Variants in ERBB4 observed in about 807,000 individuals in gnomAD.
ERBB4 encodes receptor tyrosine-protein kinase erbB-4.
A neutral mutation model predicts 158.0 loss-of-function variants in ERBB4; 42 were observed. The ratio of observed to expected loss-of-function variants is 0.27; its 90% confidence interval spans 0.21 to 0.34. ERBB4 has a LOEUF of 0.34. ERBB4 is among the 10% of genes least tolerant of loss of function. The pLI is 1.00. For missense variants in ERBB4, 1,333 were observed against 1,624.1 expected (o/e 0.82, Z 3.08); for synonymous variants, 583 against 558.7 (o/e 1.04, Z -0.61).
chr2:211,623,908 T>A lies in ERBB4; in HGVS notation c.2202+14A>T, dbSNP rs761369669. 6.2e-7 allele frequency: 1 copy of A among 1,613,752 alleles called. No individual in the cohort carries two copies. The highest frequency in any genetic ancestry group is 8.5e-7 in the Non-Finnish European group (1 of 1,179,758). On this transcript the variant is annotated intron_variant, in intron 18 of 27. Transcript: ENST00000342788. ...ACAAAACTTAACTAACGATATGCGTTGTTTTTTACTTACTTTATAAACCGT... is the reference window on the plus strand; with the variant it reads ...ACAAAACTTAACTAACGATATGCGTAGTTTTTTACTTACTTTATAAACCGT...
chr2:211,913,437 C>G (rs2125060182), intron 3 of ERBB4, among the ~76,000 whole-genome samples: 1 of 151,962 alleles, frequency 6.6e-6, no homozygotes, highest in South Asian at 2.1e-4. Context: ...CTCGTCTCGA[C>G]TAAAACTACA....
At chr2:212,331,879 G>C (rs1193244017) in intron 1 of ERBB4, among the ~76,000 whole-genome samples, 3 of 151,912 alleles carry the variant, frequency 2.0e-5, no homozygotes, top group Non-Finnish European at 4.4e-5. Context: ...CAAAGTACAG[G>C]CTGTAATTCA....
At chr2:212,115,717 C>T (rs534287275) in intron 2 of ERBB4, among the ~76,000 whole-genome samples, 3 of 152,170 alleles carry the variant, frequency 2.0e-5, no homozygotes, top group African/African-American at 7.2e-5. Flanking sequence ...CCATGTTCCT[C>T]GGGCTAGTCT....
Position 212,375,372 on chromosome 2 carries a change from T to C in ERBB4, c.82+163077A>G, listed in dbSNP as rs910511446. Among the ~76,000 whole-genome samples the C allele has an allele frequency of 3.3e-5, 5 of 152,140 alleles. 1 individual carries two copies. In the South Asian group the frequency reaches 1.0e-3, roughly 31 times the overall value. On this transcript the variant is annotated intron_variant, in intron 1 of 27. Coordinates refer to ENST00000342788, the MANE Select transcript of ERBB4 (RefSeq NM_005235.3). ...CTAAATCAATGTGAAATTCATCTAATGAAGAACAGTTACTTGATACCTAAT... is the reference window on the plus strand; with the variant it reads ...CTAAATCAATGTGAAATTCATCTAACGAAGAACAGTTACTTGATACCTAAT...
chr2:211,944,177 C>CATATATATATATATAG (rs2080595699), intron 3 of ERBB4, among the ~76,000 whole-genome samples: 8 of 38,584 alleles, frequency 2.1e-4, no homozygotes, highest in Non-Finnish European at 4.5e-4. Flanking sequence ...TATATATATA[C>CATATATATATATATAG]TATATATATA....
chr2:211,379,884 T>C lies in ERBB4; in HGVS notation c.*3731A>G. On this transcript the variant is annotated 3_prime_UTR_variant, in exon 28 of 28. Transcript: ENST00000342788. The stretch of plus-strand genomic sequence containing the variant: ...TTAATTTTCTTTTCATTTTTGATAC[T>C]TCAAGAAGCACATTAATAGTCCTTC... The C allele has an allele frequency of 4.3e-6, 1 of 232,130 alleles. No individual in the cohort carries two copies. The allele number at this position is 232,130 out of a possible 1,614,324, so 14.4% of individuals were successfully genotyped here. A position where few individuals can be genotyped will look rare whatever the true frequency, so the allele number is the denominator to read the frequency against.
intron 2 of ERBB4, among the ~76,000 whole-genome samples, chr2:211,991,452 T>C (rs931041440): frequency 3.9e-5 from 6 of 152,106 alleles, no homozygotes; most frequent in Admixed American, 3.3e-4. Context: ...GCAATATTCT[T>C]AAAGGTAAGA....
intron 1 of ERBB4, among the ~76,000 whole-genome samples, chr2:212,521,640 G>A (rs1692174655): frequency 1.4e-5 from 2 of 140,014 alleles, no homozygotes; most frequent in African/African-American, 5.3e-5. Context: ...TGTACCTGAT[G>A]CTATTTTATA....
At chr2:212,111,763 A>G (rs924912400) in intron 2 of ERBB4, among the ~76,000 whole-genome samples, 3 of 152,132 alleles carry the variant, frequency 2.0e-5, no homozygotes, top group African/African-American at 4.8e-5. Flanking sequence ...AATACCAGGC[A>G]GGGTGCTAGG....
rs2081437936 is a variant in ERBB4, at chr2:212,169,246, C to T, written c.83-44343G>A. ...TATTTATTTTAATAAAGATACATTCCTCACAAAGAAGAAAAATCTTGCCTA... is the reference window on the plus strand; with the variant it reads ...TATTTATTTTAATAAAGATACATTCTTCACAAAGAAGAAAAATCTTGCCTA... On this transcript the variant is annotated intron_variant, in intron 1 of 27. Transcript: ENST00000342788. 2.0e-5 allele frequency among the ~76,000 whole-genome samples: 3 copies of T among 151,890 alleles called. No homozygotes were observed. In the South Asian group the frequency reaches 6.2e-4, roughly 31 times the overall value.
chr2:211,752,923 G>A (rs972049834), intron 4 of ERBB4, among the ~76,000 whole-genome samples: 2 of 152,144 alleles, frequency 1.3e-5, no homozygotes, highest in Non-Finnish European at 2.9e-5. Flanking sequence ...ATTCTATTAT[G>A]ACAAATGCAC....
chr2:211,747,968 A>G (rs11685063), intron 5 of ERBB4, among the ~76,000 whole-genome samples: 71,844 of 151,698 alleles, frequency 0.47, 17,304 homozygotes, highest in Middle Eastern at 0.59. Context: ...ACATCATCCT[A>G]TATACTTTAA....
intron 2 of ERBB4, among the ~76,000 whole-genome samples, chr2:212,116,373 C>T (rs1334169145): frequency 6.6e-6 from 1 of 151,996 alleles, no homozygotes; most frequent in Non-Finnish European, 1.5e-5. Flanking sequence ...ATCATAGATA[C>T]CATTTTATTT....
intron 20 of ERBB4, among the ~76,000 whole-genome samples, chr2:211,461,938 T>C (rs933600717): frequency 2.0e-5 from 3 of 151,886 alleles, no homozygotes; most frequent in Non-Finnish European, 4.4e-5. Flanking sequence ...GACTGGATAA[T>C]TACGTCGGTG....
chr2:212,206,589 C>CTTTTTTTTTT (rs5838309), intron 1 of ERBB4, among the ~76,000 whole-genome samples: 2,791 of 115,840 alleles, frequency 0.024, 328 homozygotes, highest in Non-Finnish European at 0.037. Context: ...CTGTTCTGTT[C>CTTTTTTTTTT]TTTTTTTTTT....
Position 211,428,310 on chromosome 2 carries a change from A to G in ERBB4, c.2719+98T>C, listed in dbSNP as rs2063676280. 9.5e-6 allele frequency: 7 copies of G among 736,216 alleles called. No individual in the cohort carries two copies. The South Asian group carries it at 1.1e-4, about 12-fold the overall frequency. 45.6% of individuals were successfully genotyped at this position (736,216 alleles called of 1,614,324 possible). A position where few individuals can be genotyped will look rare whatever the true frequency, so the allele number is the denominator to read the frequency against. Reference sequence around the variant, plus strand: ...AAATTAGGCTTATCAATAGGTATTTATAACACAACAAAATAATTTAGCTTA... The same window carrying G: ...AAATTAGGCTTATCAATAGGTATTTGTAACACAACAAAATAATTTAGCTTA... On this transcript the variant is annotated intron_variant, in intron 22 of 27. Transcript: ENST00000342788.
At chr2:211,707,449 G>C (rs963515521) in intron 9 of ERBB4, among the ~76,000 whole-genome samples, 1 of 152,044 alleles carries the variant, frequency 6.6e-6, no homozygotes, top group African/African-American at 2.4e-5. Flanking sequence ...TAAAGCTCAG[G>C]AAAAAGAGAG....
At chr2:212,460,208 T>C (rs566264001) in intron 1 of ERBB4, among the ~76,000 whole-genome samples, 317 of 152,318 alleles carry the variant, frequency 2.1e-3, no homozygotes, top group Non-Finnish European at 2.6e-3. Flanking sequence ...CCTCTTTCTT[T>C]TGTAAATTGC....
chr2:212,264,746 T>C (rs1185136688), intron 1 of ERBB4, among the ~76,000 whole-genome samples: 1 of 152,114 alleles, frequency 6.6e-6, no homozygotes, highest in East Asian at 1.9e-4. Context: ...AAAAGCACCG[T>C]GAATATTATG....
Sources: allele counts gnomAD v4.1 joint callset (sites outside exome capture counted in the v4.1 genomes callset), GRCh38; gene constraint gnomAD v4.1.1; transcripts MANE v1.5; gene names NCBI Gene and HGNC (gene_info 2026-07-23, HGNC 2026-07-21).